The following ANKRD45 variants were observed in gnomAD, a reference collection of about 807,000 sequenced individuals.
ANKRD45 encodes ankyrin repeat domain-containing protein 45.
ANKRD45 carries 21 observed loss-of-function variants against 28.1 expected under a neutral mutation model. The observed-to-expected ratio is 0.75, with a 90% CI of 0.53 to 1.08. The LOEUF is 1.08. ANKRD45 is among the 50% of genes least tolerant of loss of function. The pLI is 0.00. For missense variants in ANKRD45, 261 were observed against 308.7 expected, an observed-to-expected ratio of 0.85 and a Z score of 1.16; for synonymous variants, 86 against 103.9, an observed-to-expected ratio of 0.83 and a Z score of 1.05.
chr1:173,653,504 T>A (rs1669340977), intron 2 of ANKRD45, among the ~76,000 whole-genome samples: 1 of 152,132 alleles, frequency 6.6e-6, no homozygotes, highest in African/African-American at 2.4e-5. Context: ...TGCTCAGGAG[T>A]GCTTTACTTC....
At chr1:173,672,918 C>T (rs1416653628), upstream of ANKRD45, among the ~76,000 whole-genome samples, 1 of 152,110 alleles carries the variant, frequency 6.6e-6, no homozygotes, top group Non-Finnish European at 1.5e-5. Flanking sequence ...CCAGATAAGA[C>T]AGTGAAGGCC....
At chr1:173,659,006 A>C in intron 2 of ANKRD45, 85 bp downstream of exon 2, 1 of 1,518,432 alleles carries the variant, frequency 6.6e-7, no homozygotes, top group Non-Finnish European at 8.8e-7. Context: ...AAACAGGCAC[A>C]TCAAATATAT....
the ANKRD45 span, among the ~76,000 whole-genome samples, chr1:173,702,225 A>G: frequency 1.3e-5 from 2 of 152,200 alleles, no homozygotes; most frequent in Non-Finnish European, 2.9e-5. Flanking sequence ...TAGGTAGCCT[A>G]TGATTTTCTA....
chr1:173,632,528 CAA>C (rs539157127), intron 3 of ANKRD45, among the ~76,000 whole-genome samples: 11 of 114,676 alleles, frequency 9.6e-5, no homozygotes, highest in Non-Finnish European at 3.7e-5. Context: ...AAAGACACAT[CAA>C]AAAAAAAAAA....
At chr1:173,672,248 A>G (rs1670283354), upstream of ANKRD45, among the ~76,000 whole-genome samples, 2 of 152,220 alleles carry the variant, frequency 1.3e-5, no homozygotes, top group Non-Finnish European at 2.9e-5. Flanking sequence ...TTTACATTAT[A>G]GAGAGGAACA....
intron 1 of ANKRD45, among the ~76,000 whole-genome samples, chr1:173,663,316 C>T (rs1240507149): frequency 2.6e-5 from 4 of 152,150 alleles, no homozygotes; most frequent in Admixed American, 6.5e-5. Flanking sequence ...GGGCACTCAT[C>T]GCAAGTGACA....
At chr1:173,659,805 A>G (rs528073344) in intron 1 of ANKRD45, among the ~76,000 whole-genome samples, 21 of 152,274 alleles carry the variant, frequency 1.4e-4, no homozygotes, top group African/African-American at 5.1e-4. Flanking sequence ...GAGAAATATA[A>G]TTGGGTTACT....
the ANKRD45 span, among the ~76,000 whole-genome samples, chr1:173,700,961 T>C: frequency 1.3e-5 from 2 of 152,086 alleles, no homozygotes; most frequent in African/African-American, 4.8e-5. Flanking sequence ...ACAAAGAACT[T>C]ATACAAATTT....
chr1:173,663,091 A>ACACACACACAC (rs1176631341), intron 1 of ANKRD45, among the ~76,000 whole-genome samples: 1 of 146,132 alleles, frequency 6.8e-6, no homozygotes, highest in African/African-American at 2.6e-5. Flanking sequence ...ACACACACAC[A>ACACACACACAC]CCTTCTTTAA....
chr1:173,703,360 C>G, the ANKRD45 span, among the ~76,000 whole-genome samples: 42 of 152,160 alleles, frequency 2.8e-4, no homozygotes, highest in African/African-American at 9.2e-4. Flanking sequence ...CCTGCCACCA[C>G]ACCTGGCTAA....
At chr1:173,650,792 C>T (rs1395239626) in intron 2 of ANKRD45, among the ~76,000 whole-genome samples, 1 of 152,196 alleles carries the variant, frequency 6.6e-6, no homozygotes, top group East Asian at 1.9e-4. Context: ...ACCATTCTAA[C>T]TGGTGTGAGA....
chr1:173,627,045 C>A lies in ANKRD45; in HGVS notation c.591+20G>T. The stretch of plus-strand genomic sequence containing the variant: ...AATTCTCAAAACACTACAGAACAAG[C>A]AATAATCACAATACAGTACCTTGTC... On this transcript the variant is annotated intron_variant, in intron 4 of 5. Coordinates refer to ENST00000333279, the MANE Select transcript of ANKRD45 (RefSeq NM_198493.3). 6.5e-7 allele frequency: 1 copy of A among 1,528,948 alleles called. No individual in the cohort carries two copies. The highest frequency in any genetic ancestry group is 9.0e-7 in the Non-Finnish European group (1 of 1,112,354). The allele number at this position is 1,528,948 out of a possible 1,614,324, so 94.7% of individuals were successfully genotyped here.
the ANKRD45 span, among the ~76,000 whole-genome samples, chr1:173,678,972 G>A: frequency 1.4e-4 from 22 of 152,152 alleles, no homozygotes; most frequent in East Asian, 2.7e-3. Flanking sequence ...AATAAAATAC[G>A]TAGGAATCAA....
the ANKRD45 span, among the ~76,000 whole-genome samples, chr1:173,705,046 G>A: frequency 6.6e-6 from 1 of 152,184 alleles, no homozygotes; most frequent in South Asian, 2.1e-4. Flanking sequence ...CTGTCCCAGA[G>A]AGGGAGTGAG....
At chr1:173,626,189 T>C (rs1175619819) in intron 4 of ANKRD45, among the ~76,000 whole-genome samples, 2 of 152,178 alleles carry the variant, frequency 1.3e-5, no homozygotes, top group Non-Finnish European at 2.9e-5. Flanking sequence ...CTTTTAGCAA[T>C]ACCTAATTCT....
intron 3 of ANKRD45, among the ~76,000 whole-genome samples, chr1:173,637,690 T>G (rs1054504278): frequency 4.6e-5 from 7 of 152,206 alleles, no homozygotes; most frequent in African/African-American, 1.4e-4. Context: ...GGTTATAAAT[T>G]ACCCTGTCTC....
At chr1:173,635,423 T>C in intron 3 of ANKRD45, 3 of 943,846 alleles carry the variant, frequency 3.2e-6, no homozygotes, top group Admixed American at 2.9e-5. Context: ...TCTGCTTCCC[T>C]TCGTAGGGAA....
chr1:173,617,170 G>A (rs1667497574), intron 5 of ANKRD45, among the ~76,000 whole-genome samples: 2 of 152,080 alleles, frequency 1.3e-5, no homozygotes, highest in South Asian at 2.1e-4. Flanking sequence ...CAGAGACCCA[G>A]GAGTTTTACA....
the ANKRD45 span, among the ~76,000 whole-genome samples, chr1:173,680,616 A>T: frequency 1.3e-5 from 2 of 152,072 alleles, no homozygotes; most frequent in African/African-American, 4.8e-5. Context: ...CATTCTGCAC[A>T]TGTACCCCAG....
Sources: gnomAD v4.1 joint callset for allele counts (sites outside exome capture counted in the v4.1 genomes callset) on GRCh38, gnomAD v4.1.1 for gene constraint, MANE v1.5 for transcripts, NCBI Gene and HGNC (gene_info 2026-07-23, HGNC 2026-07-21) for gene names.